Variants in SF3A3 observed in about 807,000 individuals in gnomAD.
SF3A3 encodes the protein SAP 61.
SF3A3 carries 9 observed loss-of-function variants against 85.8 expected under a neutral mutation model. That is an observed-to-expected ratio of 0.10 (90% CI 0.06 to 0.18). SF3A3 has a LOEUF of 0.18. SF3A3 is among the 10% of genes least tolerant of loss of function. The probability of loss-of-function intolerance (pLI) is 1.00; values close to 1 mark genes in which losing one functional copy is unlikely to be tolerated. For synonymous variants in SF3A3, 195 were observed against 204.4 expected (o/e 0.95, Z 0.39); for missense variants, 306 against 593.3 (o/e 0.52, Z 5.03).
Position 37,987,556 on chromosome 1 carries a change from C to A in SF3A3, c.303+17G>T, listed in dbSNP as rs930028465. 4 of 1,564,684 alleles carry A rather than the reference C, an allele frequency of 2.6e-6. No homozygotes were observed. In the Admixed American group the frequency reaches 6.7e-5, roughly 26 times the overall value. ...TTTAAGGATAGGTCTGGAGAAAATA[C>A]TTTTCTGAGGACATACCTCATTTGG... On this transcript the variant is annotated intron_variant, in intron 4 of 16. Transcript: ENST00000373019.
chr1:37,989,929 C>G lies in SF3A3; in HGVS notation c.37G>C (p.Glu13Gln). 1 of 1,613,490 alleles carries G rather than the reference C, an allele frequency of 6.2e-7. No individual in the cohort carries two copies. Among genetic ancestry groups the G allele is most frequent in the Non-Finnish European group, 8.5e-7 (1 of 1,179,956 alleles). Residue 13 changes from glutamate to glutamine, a missense_variant, in exon 1 of 17, where the codon GAG becomes CAG. Glu to Gln is a conservative substitution (Grantham distance 29). Transcript: ENST00000373019. ...ACGTCCATGAGCCGTTCCTTCTCCT[C>G]ATGATAGCGCCGCTGCTGCTCCAGT... The part of the protein sequence containing the change: ...TILEQQRRYH[E>Q]EKERLMDVMA...
chr1:37,982,709 ATTAAATACC>A (rs1377500108), intron 6 of SF3A3, among the ~76,000 whole-genome samples: 1 of 152,096 alleles, frequency 6.6e-6, no homozygotes, highest in East Asian at 1.9e-4. Flanking sequence ...AAGAAAAGAC[ATTAAATACC>A]TTTTTGCTGA....
intron 15 of SF3A3, among the ~76,000 whole-genome samples, chr1:37,961,741 G>T (rs1343092591): frequency 3.1e-5 from 2 of 65,334 alleles, no homozygotes; most frequent in Admixed American, 2.6e-4. Flanking sequence ...TTCAGCCTGG[G>T]TGACAAAGCA....
intron 12 of SF3A3, among the ~76,000 whole-genome samples, chr1:37,971,108 C>T (rs1212863645): frequency 6.6e-6 from 1 of 151,854 alleles, no homozygotes; most frequent in Non-Finnish European, 1.5e-5. Context: ...TTGATAAGAC[C>T]GCTAGCAAGA....
chr1:37,979,807 G>A (rs954158451), intron 8 of SF3A3, among the ~76,000 whole-genome samples: 1 of 152,058 alleles, frequency 6.6e-6, no homozygotes, highest in South Asian at 2.1e-4. Context: ...CAGCAGTGAG[G>A]TATGATCATG....
At chr1:37,973,217 A>G (rs985483297) in intron 12 of SF3A3, among the ~76,000 whole-genome samples, 2 of 152,074 alleles carry the variant, frequency 1.3e-5, no homozygotes, top group Non-Finnish European at 2.9e-5. Flanking sequence ...AAAAGACTTA[A>G]ATGTTAAACC....
At chr1:37,961,492 G>A (rs1646257362) in intron 15 of SF3A3, among the ~76,000 whole-genome samples, 2 of 151,902 alleles carry the variant, frequency 1.3e-5, no homozygotes, top group South Asian at 2.1e-4. Context: ...GCTGAGGCAG[G>A]AGAATCGCTT....
At chr1:37,985,355 G>A (rs1007845182) in intron 4 of SF3A3, among the ~76,000 whole-genome samples, 2 of 152,146 alleles carry the variant, frequency 1.3e-5, no homozygotes, top group African/African-American at 4.8e-5. Flanking sequence ...TGTTAACAGA[G>A]CTTTTGCTAT....
intron 15 of SF3A3, among the ~76,000 whole-genome samples, chr1:37,963,702 G>A (rs1381100707): frequency 1.0e-4 from 15 of 149,512 alleles, no homozygotes; most frequent in African/African-American, 1.7e-4. Context: ...GACTACAGGC[G>A]CCCGCCACAA....
At chr1:37,976,155 CAAAAA>C (rs11312772) in intron 12 of SF3A3, among the ~76,000 whole-genome samples, 1 of 142,572 alleles carries the variant, frequency 7.0e-6, no homozygotes, top group African/African-American at 2.6e-5. Flanking sequence ...GACTCTGTCT[CAAAAA>C]AAAAAAAAAA....
intron 4 of SF3A3, among the ~76,000 whole-genome samples, chr1:37,985,606 A>G (rs935740015): frequency 2.6e-5 from 4 of 152,328 alleles, no homozygotes; most frequent in Non-Finnish European, 4.4e-5. Context: ...TTTTAACATA[A>G]AAGACTTGCG....
intron 10 of SF3A3, 30 bp downstream of exon 10, chr1:37,978,958 G>A (rs772745167): frequency 6.8e-5 from 108 of 1,589,102 alleles, no homozygotes; most frequent in Admixed American, 2.0e-4. Flanking sequence ...ACAGTAAATC[G>A]ATAGTTTTGA....
At chr1:37,958,414 G>T (rs1274926622) in intron 16 of SF3A3, 151 bp from the exon 17 acceptor site, 5 of 647,704 alleles carry the variant, frequency 7.7e-6, no homozygotes, top group Non-Finnish European at 1.4e-5. Context: ...CTCAACTGGG[G>T]TTCCACAAGA....
At chr1:37,986,811 C>CAAAAAAAAA (rs1186890843) in intron 4 of SF3A3, among the ~76,000 whole-genome samples, 16 of 62,190 alleles carry the variant, frequency 2.6e-4, no homozygotes, top group Non-Finnish European at 3.0e-4. Context: ...GACTCCATCT[C>CAAAAAAAAA]AAAAAAAAAA....
Position 37,959,349 on chromosome 1 carries a change from G to T in SF3A3, c.1428+771C>A, listed in dbSNP as rs142917244. Among the ~76,000 whole-genome samples, 649 of 152,186 alleles carry T rather than the reference G, an allele frequency of 4.3e-3. 1 individual carries two copies. Among genetic ancestry groups the T allele is most frequent in the Middle Eastern group, 0.01 (3 of 294 alleles). ...CTGCTTTGGCCTCCCAAAGTGCTGG[G>T]ATTATGGGCATGAACTGCTGCACCT... On this transcript the variant is annotated intron_variant, in intron 16 of 16. Transcript: ENST00000373019.
At chr1:37,982,188 G>T (rs1646423896) in intron 6 of SF3A3, among the ~76,000 whole-genome samples, 1 of 152,070 alleles carries the variant, frequency 6.6e-6, no homozygotes, top group Non-Finnish European at 1.5e-5. Flanking sequence ...AAGCATCTTT[G>T]TACCAAGTAC....
At position 37,983,256 on chromosome 1, in the gene SF3A3, T is replaced by TA. The variant is rs71057113; in HGVS notation, c.468+912dup. ...TCCAGCCAGGAACATGGTATTTATT[T>TA]AAAAAAAAAAAAAAAAAAAAAAGAA... On this transcript the variant is annotated intron_variant, in intron 6 of 16. Coordinates refer to ENST00000373019, the MANE Select transcript of SF3A3 (RefSeq NM_006802.4). Among the ~76,000 whole-genome samples the TA allele has an allele frequency of 5.2e-3, 626 of 121,462 alleles. 5 individuals are homozygous for TA. Among genetic ancestry groups the TA allele is most frequent in the Middle Eastern group, 0.024 (6 of 254 alleles). 79.7% of individuals were successfully genotyped at this position (121,462 alleles called of 152,430 possible). A position where few individuals can be genotyped will look rare whatever the true frequency, so the allele number is the denominator to read the frequency against.
chr1:37,987,615 T>C lies in SF3A3; in HGVS notation c.261A>G (p.Arg87=). Residue 87 remains arginine (R), a synonymous_variant, in exon 4 of 17, where the codon AGA becomes AGG. Coordinates refer to ENST00000373019, the MANE Select transcript of SF3A3 (RefSeq NM_006802.4). ...GPNEFAEFYN[R]LKQIKEFHRK... is the part of the protein sequence containing the mutation. ...GGTGGAATTCCTTTATTTGCTTGAG[T>C]CTATTATAGAATTCAGCAAACTCAT... 4 of 1,614,072 alleles carry C rather than the reference T, an allele frequency of 2.5e-6. No homozygotes were observed. Among genetic ancestry groups the C allele is most frequent in the Non-Finnish European group, 3.4e-6 (4 of 1,179,996 alleles).
intron 15 of SF3A3, among the ~76,000 whole-genome samples, chr1:37,967,696 AAAAAAAAAAAAAAAT>A (rs1646312330): frequency 7.0e-6 from 1 of 143,730 alleles, no homozygotes; most frequent in African/African-American, 2.7e-5. Flanking sequence ...AAAAAAAAAA[AAAAAAAAAAAAAAAT>A]TAGCCAGGTG....
Sources: gnomAD v4.1 joint callset for allele counts (sites outside exome capture counted in the v4.1 genomes callset) on GRCh38, gnomAD v4.1.1 for gene constraint, MANE v1.5 for transcripts, NCBI Gene and HGNC (gene_info 2026-07-23, HGNC 2026-07-21) for gene names.